Variants in LRRC69 observed in about 807,000 individuals in gnomAD.
LRRC69 encodes the protein leucine-rich repeat-containing protein 69.
A neutral mutation model predicts 37.8 loss-of-function variants in LRRC69; 42 were observed. That is an observed-to-expected ratio of 1.11 (90% CI 0.87 to 1.44). The LOEUF (loss-of-function observed/expected upper bound fraction) is 1.44, where lower values mean the gene tolerates loss of function less well. Ranked by LOEUF, LRRC69 falls within the 40% of genes most tolerant of loss-of-function variation. The pLI is 0.00. For missense variants in LRRC69, 357 were observed against 401.9 expected, an observed-to-expected ratio of 0.89 and a Z score of 0.96; for synonymous variants, 141 against 143.1, an observed-to-expected ratio of 0.99 and a Z score of 0.11.
chr8:91,206,899 T>C (rs886490860), intron 7 of LRRC69: 4 of 1,202,616 alleles, frequency 3.3e-6, no homozygotes, highest in Admixed American at 2.5e-5. Flanking sequence ...GGCAGGGAAC[T>C]CATACATGTT....
At chr8:91,112,953 TAAA>T (rs1813434612) in intron 1 of LRRC69, among the ~76,000 whole-genome samples, 2 of 151,810 alleles carry the variant, frequency 1.3e-5, no homozygotes, top group South Asian at 4.2e-4. Context: ...AAAAGGGAAT[TAAA>T]AAATCAATCC....
chr8:91,123,272 T>C (rs1376008763), intron 1 of LRRC69, among the ~76,000 whole-genome samples: 1 of 152,050 alleles, frequency 6.6e-6, no homozygotes, highest in Non-Finnish European at 1.5e-5. Flanking sequence ...ATAGCAGTTA[T>C]AGGAAACCAA....
intron 1 of LRRC69, among the ~76,000 whole-genome samples, chr8:91,119,414 T>G (rs1370490094): frequency 1.3e-5 from 2 of 152,070 alleles, no homozygotes; most frequent in Non-Finnish European, 1.5e-5. Context: ...CGCACTCACT[T>G]CATCTTAGTT....
chr8:91,158,283 A>T, intron 5 of LRRC69: 1 of 1,517,882 alleles, frequency 6.6e-7, no homozygotes, highest in Non-Finnish European at 9.1e-7. Flanking sequence ...CGAAGACATT[A>T]CTTGAAAGTA....
chr8:91,115,259 A>G (rs1365344883), intron 1 of LRRC69, among the ~76,000 whole-genome samples: 3 of 152,058 alleles, frequency 2.0e-5, no homozygotes, highest in Non-Finnish European at 4.4e-5. Flanking sequence ...TGGGTGGAGA[A>G]AGCTGTTAAA....
chr8:91,148,446 T>C (rs13257093), intron 5 of LRRC69, among the ~76,000 whole-genome samples: 1 of 151,914 alleles, frequency 6.6e-6, no homozygotes, highest in African/African-American at 2.4e-5. Context: ...TATTCCATGG[T>C]GTATATGTGC....
Position 91,189,609 on chromosome 8 carries a change from G to A in LRRC69, c.739G>A (p.Val247Ile), listed in dbSNP as rs200284658. 40 of 1,550,004 alleles carry A rather than the reference G, an allele frequency of 2.6e-5. No homozygotes were observed. Among genetic ancestry groups the A allele is most frequent in the South Asian group, 1.7e-4 (14 of 83,944 alleles). Residue 247 changes from valine (V) to isoleucine (I), a missense_variant, in exon 6 of 8, where the codon GTC (valine) becomes ATC (isoleucine). Coordinates refer to ENST00000448384, the Ensembl canonical transcript of LRRC69. ...AGTGATTTCTACACAGCAGGAGAAC[G>A]TCTGGAGTCTACAGGTGAAGACTTA... is the stretch of plus-strand genomic sequence containing the variant.
chr8:91,168,016 T>C (rs1445630376), intron 5 of LRRC69, among the ~76,000 whole-genome samples: 1 of 152,074 alleles, frequency 6.6e-6, no homozygotes, highest in East Asian at 1.9e-4. Flanking sequence ...CCAGGAACTT[T>C]TGTAGACATC....
intron 7 of LRRC69, among the ~76,000 whole-genome samples, chr8:91,201,827 T>G (rs1809715696): frequency 6.6e-6 from 1 of 152,136 alleles, no homozygotes; most frequent in Admixed American, 6.6e-5. Flanking sequence ...GTAACATAAA[T>G]TGTGACTAAC....
chr8:91,132,265 T>G (rs1243554636), intron 3 of LRRC69, among the ~76,000 whole-genome samples: 1 of 152,040 alleles, frequency 6.6e-6, no homozygotes, highest in Non-Finnish European at 1.5e-5. Context: ...GGGAATTTAT[T>G]TACTGCCTCT....
At chr8:91,143,359 T>C (rs1190710816) in intron 5 of LRRC69, among the ~76,000 whole-genome samples, 1 of 152,080 alleles carries the variant, frequency 6.6e-6, no homozygotes, top group Non-Finnish European at 1.5e-5. Context: ...TGACAACTTA[T>C]GAGAAAGTGC....
At chr8:91,131,974 C>A (rs557123253) in intron 3 of LRRC69, among the ~76,000 whole-genome samples, 1 of 151,900 alleles carries the variant, frequency 6.6e-6, no homozygotes, top group African/African-American at 2.4e-5. Context: ...TGCCCATTTT[C>A]TTTTGTTGTT....
intron 5 of LRRC69, among the ~76,000 whole-genome samples, chr8:91,152,798 T>C (rs1398141257): frequency 6.6e-6 from 1 of 151,228 alleles, no homozygotes; most frequent in African/African-American, 2.4e-5. Context: ...TTCTCTCTTA[T>C]TTCCTTGAGC....
At chr8:91,188,007 TG>T (rs148723016) in intron 5 of LRRC69, among the ~76,000 whole-genome samples, 3,579 of 152,242 alleles carry the variant, frequency 0.024, 149 homozygotes, top group African/African-American at 0.08. Context: ...GAAAGAATGG[TG>T]GTTACATAGA....
intron 7 of LRRC69, among the ~76,000 whole-genome samples, chr8:91,210,333 C>T (rs192376767): frequency 4.9e-4 from 75 of 152,210 alleles, no homozygotes; most frequent in Admixed American, 3.2e-3. Context: ...CTAGAACATG[C>T]ACAATTTCAT....
intron 5 of LRRC69, among the ~76,000 whole-genome samples, chr8:91,153,700 G>A (rs868171299): frequency 6.6e-6 from 1 of 151,888 alleles, no homozygotes; most frequent in Non-Finnish European, 1.5e-5. Flanking sequence ...GAATCTCTGG[G>A]ATGCAGCTAA....
intron 1 of LRRC69, among the ~76,000 whole-genome samples, chr8:91,123,518 T>C (rs1813665652): frequency 6.6e-6 from 1 of 152,030 alleles, no homozygotes; most frequent in African/African-American, 2.4e-5. Context: ...ATCATTGTCT[T>C]ACATCCATAA....
intron 4 of LRRC69, 97 bp downstream of exon 4, chr8:91,133,402 C>A: frequency 1.2e-6 from 1 of 811,392 alleles, no homozygotes; most frequent in South Asian, 2.3e-5. Flanking sequence ...TGAGTATAAG[C>A]CACCACTTGC....
intron 5 of LRRC69, chr8:91,158,482 A>G (rs997821901): frequency 1.7e-6 from 2 of 1,165,108 alleles, no homozygotes; most frequent in African/African-American, 3.0e-5. Flanking sequence ...GAAACCCACA[A>G]GGCCTCACAA....
Sources: gnomAD v4.1 joint callset for allele counts (sites outside exome capture counted in the v4.1 genomes callset) on GRCh38, gnomAD v4.1.1 for gene constraint, MANE v1.5 for transcripts, NCBI Gene and HGNC (gene_info 2026-07-23, HGNC 2026-07-21) for gene names.